KALRN: variants seen among roughly 807,000 people sequenced by gnomAD.
KALRN encodes the protein kalirin.
Under a neutral mutation model 353.7 loss-of-function variants are expected in KALRN, and 70 were observed. That is an observed-to-expected ratio of 0.20 (90% CI 0.16 to 0.24). The LOEUF is 0.24. KALRN is among the 10% of genes least tolerant of loss of function. The probability of loss-of-function intolerance (pLI) is 1.00; values close to 1 mark genes in which losing one functional copy is unlikely to be tolerated. For synonymous variants in KALRN, 1,391 were observed against 1,434.8 expected, an observed-to-expected ratio of 0.97 and a Z score of 0.69; for missense variants, 2,791 against 3,756.7, an observed-to-expected ratio of 0.74 and a Z score of 6.72.
intron 26 of KALRN, among the ~76,000 whole-genome samples, chr3:124,475,762 T>A (rs2061374261): frequency 6.6e-6 from 1 of 152,182 alleles, no homozygotes; most frequent in South Asian, 2.1e-4. Context: ...AAGACCTGAT[T>A]CTCAGATAAG....
intron 1 of KALRN, among the ~76,000 whole-genome samples, chr3:124,114,901 A>G (rs2063324703): frequency 6.6e-6 from 1 of 152,202 alleles, no homozygotes; most frequent in Non-Finnish European, 1.5e-5. Context: ...GTATTCCCCA[A>G]TTTAACAAAT....
At chr3:124,669,767 A>G (rs1039600851) in intron 47 of KALRN, among the ~76,000 whole-genome samples, 6 of 152,184 alleles carry the variant, frequency 3.9e-5, no homozygotes, top group Admixed American at 3.3e-4. Flanking sequence ...CTTACATAAA[A>G]TGGCATAGTG....
chr3:124,562,181 A>G (rs939735723), intron 33 of KALRN, among the ~76,000 whole-genome samples: 1 of 152,174 alleles, frequency 6.6e-6, no homozygotes, highest in Non-Finnish European at 1.5e-5. Flanking sequence ...TTCCCCTCCC[A>G]GACAGACATT....
chr3:124,474,203 T>C (rs1270897036), intron 25 of KALRN, among the ~76,000 whole-genome samples: 2 of 152,198 alleles, frequency 1.3e-5, no homozygotes, highest in African/African-American at 2.4e-5. Context: ...AATTGGCTAC[T>C]GGTGGAAGAC....
At chr3:124,106,669 T>C (rs1023661509) in intron 1 of KALRN, among the ~76,000 whole-genome samples, 1 of 152,082 alleles carries the variant, frequency 6.6e-6, no homozygotes, top group Non-Finnish European at 1.5e-5. Context: ...AAAGATGAAG[T>C]TGGAAGAGAT....
chr3:124,311,238 T>C (rs2078238498), intron 6 of KALRN, among the ~76,000 whole-genome samples: 1 of 151,822 alleles, frequency 6.6e-6, no homozygotes. Context: ...GGCAGGTGGA[T>C]CACTGGAGGT....
intron 1 of KALRN, among the ~76,000 whole-genome samples, chr3:124,045,815 G>T (rs1231369847): frequency 1.3e-5 from 2 of 151,890 alleles, no homozygotes; most frequent in East Asian, 3.9e-4. Flanking sequence ...CAGTAAAGAG[G>T]AATGCACACT....
chr3:124,476,324 A>G (rs2061422807), intron 26 of KALRN, among the ~76,000 whole-genome samples: 1 of 151,060 alleles, frequency 6.6e-6, no homozygotes. Context: ...ATTCAAAGTC[A>G]CTTAACCAAT....
chr3:124,553,099 T>C (rs1292613549), intron 33 of KALRN, among the ~76,000 whole-genome samples: 1 of 152,174 alleles, frequency 6.6e-6, no homozygotes, highest in African/African-American at 2.4e-5. Flanking sequence ...CGACACAAGA[T>C]ATCAGTGCAA....
At chr3:124,653,789 A>T (rs979961725) in intron 38 of KALRN, among the ~76,000 whole-genome samples, 10 of 152,236 alleles carry the variant, frequency 6.6e-5, no homozygotes, top group Non-Finnish European at 1.5e-4. Context: ...TTTGTAAATA[A>T]CTTCTACTAA....
At chr3:124,136,642 T>G (rs1322293735) in intron 1 of KALRN, among the ~76,000 whole-genome samples, 2 of 152,164 alleles carry the variant, frequency 1.3e-5, no homozygotes, top group East Asian at 3.9e-4. Flanking sequence ...CTTTAGGGTC[T>G]CCTCACAGGG....
chr3:124,696,433 T>G (rs1015972747), intron 54 of KALRN, among the ~76,000 whole-genome samples, 178 bp downstream of exon 54: 1 of 152,170 alleles, frequency 6.6e-6, no homozygotes, highest in Non-Finnish European at 1.5e-5. Flanking sequence ...TCGCTAATTT[T>G]TTTTGCATTT....
At chr3:124,169,944 G>A (rs142537173) in intron 1 of KALRN, among the ~76,000 whole-genome samples, 22 of 152,286 alleles carry the variant, frequency 1.4e-4, no homozygotes, top group Middle Eastern at 3.4e-3. Context: ...TCAGTGTTCT[G>A]AATACAAGAG....
chr3:124,616,809 CA>C (rs1363460611), intron 34 of KALRN, among the ~76,000 whole-genome samples: 1 of 151,608 alleles, frequency 6.6e-6, no homozygotes, highest in African/African-American at 2.4e-5. Flanking sequence ...ACTAAAAATA[CA>C]AAAAATTAGC....
At chr3:124,377,071 A>G (rs1363359500) in intron 10 of KALRN, among the ~76,000 whole-genome samples, 1 of 152,194 alleles carries the variant, frequency 6.6e-6, no homozygotes, top group African/African-American at 2.4e-5. Flanking sequence ...GTTTCAGTGA[A>G]AAGTACTGGA....
At chr3:124,388,898 T>A (rs1282381282) in intron 11 of KALRN, among the ~76,000 whole-genome samples, 1 of 152,190 alleles carries the variant, frequency 6.6e-6, no homozygotes, top group Non-Finnish European at 1.5e-5. Flanking sequence ...TATTTGATCC[T>A]GAGTTCATTA....
chr3:124,069,814 G>C (rs764818615), intron 1 of KALRN, among the ~76,000 whole-genome samples: 17 of 152,104 alleles, frequency 1.1e-4, no homozygotes, highest in Non-Finnish European at 2.1e-4. Flanking sequence ...GCTTTGCCTG[G>C]GGGAGTTAGG....
At chr3:124,676,733 A>G (rs893278748) in intron 49 of KALRN, among the ~76,000 whole-genome samples, 1 of 152,216 alleles carries the variant, frequency 6.6e-6, no homozygotes, top group African/African-American at 2.4e-5. Context: ...TCCCTGACTC[A>G]AGTTGTTCTC....
intron 5 of KALRN, among the ~76,000 whole-genome samples, chr3:124,292,037 C>A (rs2076467510): frequency 6.6e-6 from 1 of 152,176 alleles, no homozygotes; most frequent in Non-Finnish European, 1.5e-5. Context: ...ATGTCACATT[C>A]TTTCAGTAAG....
Sources: gnomAD v4.1 joint callset for allele counts (sites outside exome capture counted in the v4.1 genomes callset) on GRCh38, gnomAD v4.1.1 for gene constraint, MANE v1.5 for transcripts, NCBI Gene and HGNC (gene_info 2026-07-23, HGNC 2026-07-21) for gene names.